Variants in RAB37 observed in about 807,000 individuals in gnomAD.
RAB37 encodes the protein RAB37, member RAS oncogene family, also known as ras-related protein Rab-37.
A neutral mutation model predicts 33.1 loss-of-function variants in RAB37; 29 were observed. That is an observed-to-expected ratio of 0.88 (90% CI 0.65 to 1.20). The LOEUF (loss-of-function observed/expected upper bound fraction) is 1.20, where lower values mean the gene tolerates loss of function less well. RAB37 is among the 50% of genes most tolerant of loss of function. RAB37 has a pLI of 0.00. For missense variants in RAB37, 299 were observed against 301.1 expected, an observed-to-expected ratio of 0.99 and a Z score of 0.05; for synonymous variants, 128 against 119.5, an observed-to-expected ratio of 1.07 and a Z score of -0.47.
intron 1 of RAB37, among the ~76,000 whole-genome samples, chr17:74,692,274 A>G (rs16978170): frequency 0.017 from 2,551 of 152,008 alleles, 60 homozygotes; most frequent in Admixed American, 0.062. Context: ...TAAATTTAAA[A>G]CAGTCTGTGT....
intron 1 of RAB37, chr17:74,694,907 A>G (rs1355491870): frequency 1.9e-6 from 1 of 536,072 alleles, no homozygotes; most frequent in Non-Finnish European, 3.2e-6. Context: ...GACGTTTAGA[A>G]AACCCCAACT....
rs752063686 is a variant in RAB37, at chr17:74,671,687, A to G, written c.72+29A>G. The G allele has an allele frequency of 4.4e-6, 7 of 1,604,708 alleles. No individual in the cohort carries two copies. In the South Asian group the frequency reaches 4.4e-5, roughly 10 times the overall value. On this transcript the variant is annotated intron_variant, in intron 1 of 7. Transcript: ENST00000340415. This position sits in a 1 kb window ranked among gnomAD's most constrained non-coding sequence, Gnocchi z 5.0. Reference sequence around the variant, plus strand: ...AACATCTCCTGTATTCCTCAACCTAACGTTGGAAGAGGCGCCAGCACCAGG... The same window carrying G: ...AACATCTCCTGTATTCCTCAACCTAGCGTTGGAAGAGGCGCCAGCACCAGG...
At chr17:74,741,909 G>C (rs1443561232) in intron 2 of RAB37, among the ~76,000 whole-genome samples, 1 of 152,212 alleles carries the variant, frequency 6.6e-6, no homozygotes, top group Non-Finnish European at 1.5e-5. Flanking sequence ...CCCAAGGCTA[G>C]GCTCCAGGAG....
chr17:74,711,642 C>G (rs1405072704), intron 1 of RAB37, among the ~76,000 whole-genome samples: 2 of 152,144 alleles, frequency 1.3e-5, no homozygotes, highest in Non-Finnish European at 1.5e-5. Flanking sequence ...CATTCCTACA[C>G]AAGAGCCCTC....
chr17:74,737,064 G>A, upstream of RAB37: 2 of 1,608,316 alleles, frequency 1.2e-6, no homozygotes, highest in East Asian at 2.2e-5. Flanking sequence ...CAGGGAGGCT[G>A]CCCGCCCCTT....
rs1375654750 is a variant in RAB37, at chr17:74,744,275, G to A, written c.367-33G>A. 2 of 1,601,582 alleles carry A rather than the reference G, an allele frequency of 1.2e-6. No homozygotes were observed. The highest frequency in any genetic ancestry group is 2.2e-5 in the South Asian group (2 of 90,322). The stretch of plus-strand genomic sequence containing the variant: ...AAGAAGAAAGGGGCAGCAGGAGGAA[G>A]AGAATGCCAGTCTCGCACGCCCTCT... On this transcript the variant is annotated intron_variant, in intron 5 of 8. Coordinates refer to ENST00000392613, the MANE Select transcript of RAB37 (RefSeq NM_001006638.3). This position sits in a 1 kb window ranked among gnomAD's most constrained non-coding sequence, Gnocchi z 4.2.
intron 1 of RAB37, chr17:74,694,930 C>T: frequency 1.5e-6 from 1 of 654,328 alleles, no homozygotes; most frequent in Non-Finnish European, 2.5e-6. Flanking sequence ...TAGAAGCCCC[C>T]TGAGACTTGG....
intron 1 of RAB37, among the ~76,000 whole-genome samples, chr17:74,714,753 A>G (rs1267220598): frequency 1.3e-5 from 2 of 152,110 alleles, no homozygotes; most frequent in Non-Finnish European, 2.9e-5. Flanking sequence ...CCTTCTGACA[A>G]TCATGTCCAT....
chr17:74,675,440 A>G (rs1452433865), intron 1 of RAB37, among the ~76,000 whole-genome samples: 5 of 152,060 alleles, frequency 3.3e-5, no homozygotes, highest in Non-Finnish European at 4.4e-5. Context: ...TCCGAAAAAA[A>G]AAAAAAAGTG....
At chr17:74,709,740 G>A (rs2033810358) in intron 1 of RAB37, among the ~76,000 whole-genome samples, 1 of 151,724 alleles carries the variant, frequency 6.6e-6, no homozygotes, top group South Asian at 2.1e-4. Context: ...TACCAGGCTA[G>A]TATTTTTTTT....
chr17:74,697,256 TG>T (rs1286282245), intron 1 of RAB37, among the ~76,000 whole-genome samples: 8 of 152,212 alleles, frequency 5.3e-5, no homozygotes, highest in African/African-American at 1.9e-4. Flanking sequence ...TGGATTGGAT[TG>T]TTTTTCCACT....
intron 1 of RAB37, among the ~76,000 whole-genome samples, chr17:74,684,919 GT>G (rs1322571858): frequency 1.3e-5 from 2 of 151,870 alleles, no homozygotes; most frequent in Admixed American, 6.6e-5. Flanking sequence ...TAGGAATTTT[GT>G]TATACACATT....
At chr17:74,708,968 C>CA (rs1339293102) in intron 1 of RAB37, among the ~76,000 whole-genome samples, 1 of 149,516 alleles carries the variant, frequency 6.7e-6, no homozygotes, top group African/African-American at 2.5e-5. Context: ...TTTACACCTG[C>CA]AATCCCAGCA....
At position 74,729,176 on chromosome 17, in the gene RAB37, C is replaced by A; in HGVS notation, c.73-80C>A. 2 of 935,970 alleles carry A rather than the reference C, an allele frequency of 2.1e-6. No individual in the cohort carries two copies. The highest frequency in any genetic ancestry group is 3.6e-6 in the Non-Finnish European group (2 of 562,342). The allele number at this position is 935,970 out of a possible 1,614,324, so 58.0% of individuals were successfully genotyped here. On this transcript the variant is annotated intron_variant, in intron 1 of 7. Transcript: ENST00000340415. The surrounding 1 kb of genome is among the most constrained non-coding windows in gnomAD (Gnocchi z 4.2). ...TGCACATGCGTGCTTAGAAAGAATC[C>A]ACTCCCACAGCCACAAGGACACCTC...
intron 1 of RAB37, among the ~76,000 whole-genome samples, chr17:74,688,907 C>T (rs1187039390): frequency 6.6e-6 from 1 of 152,206 alleles, no homozygotes; most frequent in Non-Finnish European, 1.5e-5. Flanking sequence ...ATGGGCCCCA[C>T]TTTTCAGCAG....
chr17:74,687,424 A>G (rs1598186458), intron 1 of RAB37, among the ~76,000 whole-genome samples: 1 of 151,374 alleles, frequency 6.6e-6, no homozygotes, highest in East Asian at 1.9e-4. Context: ...GGGTTTCACC[A>G]TGTTGGCCAA....
intron 1 of RAB37, among the ~76,000 whole-genome samples, chr17:74,689,333 C>T (rs535965504): frequency 1.4e-4 from 21 of 152,108 alleles, no homozygotes; most frequent in Admixed American, 3.9e-4. Context: ...ATCCCAGCTA[C>T]TTGGGAGGCC....
rs140336944 is a variant in RAB37, at chr17:74,729,265, G to T, written c.82G>T (p.Val28Leu). 6.8e-4 allele frequency: 1,102 copies of T among 1,613,646 alleles called. 7 individuals carry two copies. The Middle Eastern group carries it at 0.017, about 25-fold the overall frequency. The stretch of plus-strand genomic sequence containing the variant: ...TATTGTTCCCTTCCAGACCATCCTG[G>T]TGGGTGACAGTGGTGTGGGAAAGAC... Residue 28 changes from valine to leucine, a missense_variant, in exon 2 of 8, where the codon GTG becomes TTG. Physicochemically the swap from Val to Leu is conservative, Grantham distance 32. Coordinates refer to the RAB37 transcript ENST00000340415. This position sits in a 1 kb window ranked among gnomAD's most constrained non-coding sequence, Gnocchi z 4.2.
In RAB37 at chr17:74,744,929, G is replaced by A; in HGVS notation, c.489G>A (p.Arg163=). The stretch of plus-strand genomic sequence containing the variant: ...CCGAAGACGGAGAGACCTTGGCCAG[G>A]GTAAGTGATTGTCTGTGGGACAGGG... ...IRSEDGETLA[R]EYGVPFLETS... The change falls in exon 7 of 9, where the codon AGG becomes AGA. Residue 163 remains arginine (R), a splice_region_variant and synonymous_variant. Coordinates refer to ENST00000392613, the MANE Select transcript of RAB37 (RefSeq NM_001006638.3). The surrounding 1 kb of genome is among the most constrained non-coding windows in gnomAD (Gnocchi z 4.2). 1.2e-6 allele frequency: 2 copies of A among 1,614,276 alleles called. No homozygotes were observed. The highest frequency in any genetic ancestry group is 1.7e-6 in the Non-Finnish European group (2 of 1,180,044).
Sources: allele counts gnomAD v4.1 joint callset (sites outside exome capture counted in the v4.1 genomes callset), GRCh38; gene constraint gnomAD v4.1.1; non-coding constraint Gnocchi (gnomAD v3.1); transcripts MANE v1.5; gene names NCBI Gene and HGNC (gene_info 2026-07-23, HGNC 2026-07-21).